TRIM66: variants seen among roughly 807,000 people sequenced by gnomAD.
TRIM66 encodes the protein tripartite motif containing 66.
In TRIM66, 99 loss-of-function variants were observed where a neutral mutation model predicts 148.2. That is an observed-to-expected ratio of 0.67 (90% CI 0.57 to 0.79). The LOEUF (loss-of-function observed/expected upper bound fraction) is 0.79, where lower values mean the gene tolerates loss of function less well. TRIM66 is among the 30% of genes least tolerant of loss of function. The probability of loss-of-function intolerance (pLI) is 0.00; values close to 1 mark genes in which losing one functional copy is unlikely to be tolerated. For synonymous variants in TRIM66, 616 were observed against 635.9 expected, an observed-to-expected ratio of 0.97 and a Z score of 0.47; for missense variants, 1,666 against 1,697.9, an observed-to-expected ratio of 0.98 and a Z score of 0.33.
At chr11:8,623,675 C>T (rs1466564416) in intron 17 of TRIM66, among the ~76,000 whole-genome samples, 4 of 152,196 alleles carry the variant, frequency 2.6e-5, no homozygotes, top group Admixed American at 2.0e-4. Flanking sequence ...GACTTCCCAA[C>T]TAGCCCTCAC....
At chr11:8,638,342 C>T (rs569946888) in intron 15 of TRIM66, among the ~76,000 whole-genome samples, 17 of 152,314 alleles carry the variant, frequency 1.1e-4, no homozygotes, top group Admixed American at 1.0e-3. Flanking sequence ...TGAGATAATG[C>T]TGGTGAAGCA....
At chr11:8,638,068 T>C (rs917575587) in intron 15 of TRIM66, among the ~76,000 whole-genome samples, 1 of 152,244 alleles carries the variant, frequency 6.6e-6, no homozygotes, top group Admixed American at 6.5e-5. Flanking sequence ...GCTGCTCATC[T>C]ACCTCTGTAG....
At chr11:8,647,199 C>A (rs2036941248) in intron 10 of TRIM66, among the ~76,000 whole-genome samples, 1 of 151,826 alleles carries the variant, frequency 6.6e-6, no homozygotes, top group African/African-American at 2.4e-5. Flanking sequence ...TACAGTTGCA[C>A]AATTCTGTGA....
chr11:8,672,784 A>T (rs369594098), intron 4 of TRIM66, among the ~76,000 whole-genome samples: 1 of 151,684 alleles, frequency 6.6e-6, no homozygotes, highest in African/African-American at 2.4e-5. Context: ...GGTGTATGCC[A>T]CCACATGCGG....
chr11:8,656,213 A>G (rs955653758), intron 6 of TRIM66, among the ~76,000 whole-genome samples: 6 of 152,258 alleles, frequency 3.9e-5, no homozygotes, highest in Non-Finnish European at 8.8e-5. Context: ...GACAAGGCAT[A>G]TATCAACTCT....
At position 8,625,209 on chromosome 11, in the gene TRIM66, A is replaced by G. The variant is rs1169629440; in HGVS notation, c.2330T>C (p.Ile777Thr). 12 of 1,509,162 alleles carry G rather than the reference A, an allele frequency of 8.0e-6. No homozygotes were observed. The highest frequency in any genetic ancestry group is 1.4e-5 in the African/African-American group (1 of 72,478). 93.5% of individuals were successfully genotyped at this position (1,509,162 alleles called of 1,614,324 possible). The change falls in exon 16 of 25, where the codon ATC becomes ACC. Residue 777 changes from isoleucine (I) to threonine (T), a missense_variant. By Grantham distance (89) the Ile-to-Thr change is moderately conservative. Around this residue, in one of 3 missense-constraint regions of TRIM66, gnomAD observed 1,431 missense variants for 1,412.4 expected, o/e 1.01. Transcript: ENST00000646038. The stretch of plus-strand genomic sequence containing the variant: ...CTCCAGAGTGTTGGAAAAGCCCATG[A>G]TGCTCAGCGAGGTGGAGTGCTGCAG... Reference protein sequence around the residue: ...VVRKHSTSLSIMGFSNTLEME... With the variant: ...VVRKHSTSLSTMGFSNTLEME...
At chr11:8,645,684 AG>A in intron 12 of TRIM66, 56 bp downstream of exon 12, 1 of 1,541,858 alleles carries the variant, frequency 6.5e-7, no homozygotes, top group Non-Finnish European at 8.8e-7. Context: ...CCTCTGACAA[AG>A]GGGATGCTCT....
Position 8,640,932 on chromosome 11 carries a change from G to A in TRIM66, c.1443C>T (p.Val481=), listed in dbSNP as rs968072915. The A allele has an allele frequency of 3.2e-6, 5 of 1,550,978 alleles. No homozygotes were observed. The highest frequency in any genetic ancestry group is 4.4e-6 in the Non-Finnish European group (5 of 1,146,942). Residue 481 remains valine (V), a synonymous_variant, in exon 14 of 25, where the codon GTC becomes GTT. Coordinates refer to ENST00000646038, the MANE Select transcript of TRIM66 (RefSeq NM_001388022.1). The part of the protein sequence containing the change: ...SPVSPSLKGQ[V]PPPSIHPAHS... Reference sequence around the variant, plus strand: ...GGGCTGGGTGTATGCTGGGTGGGGGGACCTGGCCTTTGAGGGAAGGCGAGA... The same window carrying A: ...GGGCTGGGTGTATGCTGGGTGGGGGAACCTGGCCTTTGAGGGAAGGCGAGA...
At chr11:8,630,264 T>A (rs991920614) in intron 15 of TRIM66, among the ~76,000 whole-genome samples, 2 of 152,124 alleles carry the variant, frequency 1.3e-5, no homozygotes, top group African/African-American at 4.8e-5. Context: ...TGACACTTGG[T>A]GCCACCCATG....
At chr11:8,641,468 G>C (rs1426237487) in intron 13 of TRIM66, among the ~76,000 whole-genome samples, 2 of 152,126 alleles carry the variant, frequency 1.3e-5, no homozygotes, top group Non-Finnish European at 2.9e-5. Context: ...TTTTCCAACA[G>C]AACAGCCCAA....
intron 6 of TRIM66, among the ~76,000 whole-genome samples, chr11:8,656,329 GC>G (rs1449977706): frequency 1.3e-5 from 2 of 152,072 alleles, no homozygotes; most frequent in Admixed American, 6.6e-5. Context: ...TAGATATCAT[GC>G]TTTTTTCTAT....
At position 8,620,585 on chromosome 11, in the gene TRIM66, G is replaced by A. The variant is rs759519957; in HGVS notation, c.3546-13C>T. On this transcript the variant is annotated splice_polypyrimidine_tract_variant and intron_variant, in intron 20 of 24. Transcript: ENST00000646038. ...CACCCACTCTCCCCTGCAGGGGCAG[G>A]TGAGGCCATGTTAGGCCTCAGCACA... is the stretch of plus-strand genomic sequence containing the variant. 6.3e-5 allele frequency: 97 copies of A among 1,551,412 alleles called. No individual in the cohort carries two copies. The highest frequency in any genetic ancestry group is 9.8e-5 in the East Asian group (4 of 40,918).
Position 8,621,725 on chromosome 11 carries a change from TCA to T in TRIM66, c.3173_3174del (p.Leu1058GlnfsTer6), listed in dbSNP as rs1382836694. On this transcript the variant is annotated frameshift_variant, in exon 19 of 25. Coordinates refer to ENST00000646038, the MANE Select transcript of TRIM66 (RefSeq NM_001388022.1). LOFTEE classifies it high-confidence loss of function. ...ASSGEMPVFK[L>X]KPQKNDQDGS... ...CCATCCTGATCATTCTTCTGTGGCT[TCA>T]GTTTGAACACAGGCATCTCTCCTGA... 1.3e-6 allele frequency: 2 copies of T among 1,551,590 alleles called. No individual in the cohort carries two copies. Among genetic ancestry groups the T allele is most frequent in the African/African-American group, 2.7e-5 (2 of 73,014 alleles).
Position 8,620,435 on chromosome 11 carries a change from C to T in TRIM66, c.3672+11G>A. On this transcript the variant is annotated intron_variant, in intron 21 of 24. Transcript: ENST00000646038. Reference sequence around the variant, plus strand: ...AGGCAGGGAACCTTGTTTCCAAAGACTCCTCCCTACCTTCTGGTCATACAT... The same window carrying T: ...AGGCAGGGAACCTTGTTTCCAAAGATTCCTCCCTACCTTCTGGTCATACAT... 6.4e-7 allele frequency: 1 copy of T among 1,551,578 alleles called. No individual in the cohort carries two copies. The highest frequency in any genetic ancestry group is 8.7e-7 in the Non-Finnish European group (1 of 1,146,866).
At position 8,624,695 on chromosome 11, in the gene TRIM66, C is replaced by G; in HGVS notation, c.2826+18G>C. 6.7e-7 allele frequency: 1 copy of G among 1,485,568 alleles called. No homozygotes were observed. Among genetic ancestry groups the G allele is most frequent in the Non-Finnish European group, 9.0e-7 (1 of 1,114,992 alleles). The allele number at this position is 1,485,568 out of a possible 1,614,324, so 92.0% of individuals were successfully genotyped here. On this transcript the variant is annotated intron_variant, in intron 16 of 24. Coordinates refer to ENST00000646038, the MANE Select transcript of TRIM66 (RefSeq NM_001388022.1). The stretch of plus-strand genomic sequence containing the variant: ...TGATGAACAAAGGAAGTTTGGATAG[C>G]ATTTCCCCAGGACTTACCTTACACA...
intron 6 of TRIM66, among the ~76,000 whole-genome samples, chr11:8,668,707 TC>T (rs2038751693): frequency 6.6e-6 from 1 of 151,962 alleles, no homozygotes; most frequent in Admixed American, 6.6e-5. Flanking sequence ...TGCCTCAGCC[TC>T]CCGAGTAGCT....
Position 8,671,807 on chromosome 11 carries a change from C to G in TRIM66, c.319G>C (p.Ala107Pro). 1.4e-6 allele frequency: 2 copies of G among 1,466,898 alleles called. No individual in the cohort carries two copies. Among genetic ancestry groups the G allele is most frequent in the Non-Finnish European group, 1.8e-6 (2 of 1,083,660 alleles). The allele number at this position is 1,466,898 out of a possible 1,614,324, so 90.9% of individuals were successfully genotyped here. ...LIQELGQIAKAHETVADELIS... is the reference protein window; with the variant it reads ...LIQELGQIAKPHETVADELIS... ...TTACCATCTGCAACAGTCTCATGAG[C>G]CTTGGCAATCTGCCCTAGCTCCTGT... Residue 107 changes from alanine (A) to proline (P), a missense_variant, in exon 6 of 25, where the codon GCT becomes CCT. This residue lies in a region of TRIM66 where 1,431 missense variants were observed against 1,412.4 expected (regional missense o/e 1.01). Coordinates refer to ENST00000646038, the MANE Select transcript of TRIM66 (RefSeq NM_001388022.1).
At chr11:8,669,902 T>C (rs1337055611) in intron 6 of TRIM66, among the ~76,000 whole-genome samples, 1 of 152,206 alleles carries the variant, frequency 6.6e-6, no homozygotes, top group Middle Eastern at 3.2e-3. Context: ...TTAGGTTTGT[T>C]ATATAGGTAC....
chr11:8,648,970 G>A (rs74053014), intron 8 of TRIM66, among the ~76,000 whole-genome samples: 2,578 of 152,336 alleles, frequency 0.017, 77 homozygotes, highest in African/African-American at 0.059. Context: ...TCTGGTTCCT[G>A]TGGATTTGAC....
Sources: gnomAD v4.1 joint callset for allele counts (sites outside exome capture counted in the v4.1 genomes callset) on GRCh38, gnomAD v4.1.1 for gene constraint, gnomAD v4.1.1 regional missense constraint, MANE v1.5 for transcripts, NCBI Gene and HGNC (gene_info 2026-07-23, HGNC 2026-07-21) for gene names.